The following RBPJ variants were observed in gnomAD, a reference collection of about 807,000 sequenced individuals.
RBPJ encodes recombining binding protein suppressor of hairless.
In RBPJ, 9 loss-of-function variants were observed where a neutral mutation model predicts 67.8. That is an observed-to-expected ratio of 0.13 (90% CI 0.08 to 0.23). RBPJ has a LOEUF of 0.23. Ranked by LOEUF, RBPJ falls within the 10% of genes least tolerant of loss-of-function variation. The pLI, the probability that RBPJ is intolerant of heterozygous loss-of-function variation, is 1.00. For synonymous variants in RBPJ, 198 were observed against 203.3 expected (o/e 0.97, Z 0.22); for missense variants, 305 against 595.6 (o/e 0.51, Z 5.08).
intron 1 of RBPJ, among the ~76,000 whole-genome samples, chr4:26,172,710 C>T (rs1449360339): frequency 2.6e-5 from 4 of 152,116 alleles, no homozygotes; most frequent in Non-Finnish European, 5.9e-5. Context: ...TAGAACTGTG[C>T]CCGATAGATG....
At chr4:26,306,731 G>A (rs1234001755) in intron 1 of RBPJ, among the ~76,000 whole-genome samples, 1 of 152,020 alleles carries the variant, frequency 6.6e-6, no homozygotes, top group East Asian at 1.9e-4. Flanking sequence ...TTACAGGCAT[G>A]AGTCACTGTG....
At chr4:26,258,318 T>C (rs995576417) in intron 1 of RBPJ, among the ~76,000 whole-genome samples, 2 of 152,344 alleles carry the variant, frequency 1.3e-5, no homozygotes, top group Middle Eastern at 3.4e-3. Flanking sequence ...GAATCTCTCT[T>C]CTTCACCTCT....
At chr4:26,225,845 T>G (rs1719057264) in intron 1 of RBPJ, among the ~76,000 whole-genome samples, 1 of 151,486 alleles carries the variant, frequency 6.6e-6, no homozygotes, top group Admixed American at 6.6e-5. Context: ...TGCTACTAAA[T>G]AGGGGGAAAA....
intron 1 of RBPJ, among the ~76,000 whole-genome samples, chr4:26,270,460 A>AAAG (rs1720882995): frequency 6.8e-6 from 1 of 146,742 alleles, no homozygotes; most frequent in Non-Finnish European, 1.5e-5. Context: ...AAGAAAGAAA[A>AAAG]GAAAAGGAAA....
At chr4:26,180,133 G>A in intron 1 of RBPJ, among the ~76,000 whole-genome samples, 1 of 152,090 alleles carries the variant, frequency 6.6e-6, no homozygotes, top group East Asian at 1.9e-4. Flanking sequence ...GAGAACACAT[G>A]GACACAAGGA....
At chr4:26,394,516 A>G (rs1731906474) in intron 2 of RBPJ, among the ~76,000 whole-genome samples, 2 of 151,988 alleles carry the variant, frequency 1.3e-5, no homozygotes, top group South Asian at 4.1e-4. Context: ...TATATAATGC[A>G]TAGAACAATT....
At chr4:26,363,294 T>C (rs1441625059) in intron 1 of RBPJ, among the ~76,000 whole-genome samples, 4 of 151,964 alleles carry the variant, frequency 2.6e-5, no homozygotes, top group Non-Finnish European at 4.4e-5. Context: ...CACTCACCAC[T>C]ATACCTGGCT....
intron 4 of RBPJ, among the ~76,000 whole-genome samples, chr4:26,419,330 G>A (rs1311783125): frequency 1.3e-5 from 2 of 152,106 alleles, no homozygotes; most frequent in Non-Finnish European, 2.9e-5. Flanking sequence ...CTTCTACAGA[G>A]CAAAACCTCT....
At chr4:26,392,372 A>C (rs1355088743) in intron 2 of RBPJ, among the ~76,000 whole-genome samples, 1 of 152,248 alleles carries the variant, frequency 6.6e-6, no homozygotes, top group African/African-American at 2.4e-5. Context: ...ACAAATGTTC[A>C]TGTTAGCTTT....
chr4:26,120,310 T>C, the RBPJ span, among the ~76,000 whole-genome samples: 3 of 152,140 alleles, frequency 2.0e-5, no homozygotes, highest in East Asian at 5.8e-4. Context: ...TTTCAACTGA[T>C]GTTGACTTTC....
intron 4 of RBPJ, among the ~76,000 whole-genome samples, chr4:26,418,219 A>G (rs1324080509): frequency 2.0e-5 from 3 of 152,186 alleles, no homozygotes; most frequent in East Asian, 3.8e-4. Context: ...TTCAAAGAGT[A>G]TTTCTAGAGA....
At chr4:26,202,709 AC>A (rs1314856393) in intron 1 of RBPJ, among the ~76,000 whole-genome samples, 1 of 152,000 alleles carries the variant, frequency 6.6e-6, no homozygotes, top group African/African-American at 2.4e-5. Flanking sequence ...GTAGTTCAAG[AC>A]CAGCCTGGAC....
chr4:26,346,887 G>A (rs953662610), intron 1 of RBPJ, among the ~76,000 whole-genome samples: 14 of 152,048 alleles, frequency 9.2e-5, no homozygotes, highest in African/African-American at 3.4e-4. Context: ...AGCTACTTGG[G>A]AGGCTGAAGC....
At chr4:26,409,587 C>A (rs1389700703) in intron 3 of RBPJ, among the ~76,000 whole-genome samples, 5 of 152,132 alleles carry the variant, frequency 3.3e-5, no homozygotes, top group Non-Finnish European at 7.4e-5. Context: ...GCAACCTCTG[C>A]CTCCTGGGTT....
intron 1 of RBPJ, among the ~76,000 whole-genome samples, chr4:26,380,795 C>T (rs1381061131): frequency 1.3e-5 from 2 of 151,906 alleles, no homozygotes; most frequent in Non-Finnish European, 2.9e-5. Flanking sequence ...GCACATACTT[C>T]ACCGTGTTTC....
chr4:26,419,898 A>C (rs1480600465), intron 4 of RBPJ, among the ~76,000 whole-genome samples: 3 of 152,162 alleles, frequency 2.0e-5, no homozygotes, highest in African/African-American at 7.2e-5. Context: ...TAGTACCTTT[A>C]AATTCAGTTC....
At chr4:26,126,464 G>A in the RBPJ span, among the ~76,000 whole-genome samples, 29 of 152,188 alleles carry the variant, frequency 1.9e-4, no homozygotes, top group Non-Finnish European at 3.8e-4. Context: ...TTTCTGGTAC[G>A]GCACAGGTGG....
chr4:26,377,634 C>A (rs1234031253), intron 1 of RBPJ, among the ~76,000 whole-genome samples: 1 of 152,132 alleles, frequency 6.6e-6, no homozygotes, highest in Non-Finnish European at 1.5e-5. Context: ...GTGGAAAACC[C>A]TTAGGTTTGA....
At chr4:26,226,731 T>G (rs1008688599) in intron 1 of RBPJ, among the ~76,000 whole-genome samples, 6 of 152,330 alleles carry the variant, frequency 3.9e-5, no homozygotes, top group African/African-American at 1.4e-4. Flanking sequence ...TTATCTAGAA[T>G]GTCAGAGGCA....
Sources: allele counts gnomAD v4.1 joint callset (sites outside exome capture counted in the v4.1 genomes callset), GRCh38; gene constraint gnomAD v4.1.1; transcripts MANE v1.5; gene names NCBI Gene and HGNC (gene_info 2026-07-23, HGNC 2026-07-21).